The following MCUB variants were observed in gnomAD, a reference collection of about 807,000 sequenced individuals.
The protein encoded by MCUB is mitochondrial calcium uniporter dominant negative subunit beta, also known as calcium uniporter regulatory subunit MCUb, mitochondrial.
Under a neutral mutation model 41.4 loss-of-function variants are expected in MCUB, and 46 were observed. The observed-to-expected ratio is 1.11, with a 90% CI of 0.88 to 1.42. The LOEUF (loss-of-function observed/expected upper bound fraction) is 1.42, where lower values mean the gene tolerates loss of function less well. Ranked by LOEUF, MCUB falls within the 40% of genes most tolerant of loss-of-function variation. MCUB has a pLI of 0.00. For synonymous variants in MCUB, 148 were observed against 148.2 expected (o/e 1.00, Z 0.01); for missense variants, 403 against 404.9 (o/e 1.00, Z 0.04).
chr4:109,647,005 C>G (rs1241614220), intron 1 of MCUB, among the ~76,000 whole-genome samples: 1 of 152,164 alleles, frequency 6.6e-6, no homozygotes, highest in Non-Finnish European at 1.5e-5. Flanking sequence ...GCGAGTACCC[C>G]TCCCCACTGT....
intron 1 of MCUB, among the ~76,000 whole-genome samples, chr4:109,606,257 G>C (rs1244125170): frequency 6.6e-6 from 1 of 152,040 alleles, no homozygotes; most frequent in Non-Finnish European, 1.5e-5. Flanking sequence ...TTACAGGTGT[G>C]AGCCACTGTG....
chr4:109,598,618 G>A (rs1434212156), intron 1 of MCUB, among the ~76,000 whole-genome samples: 4 of 149,620 alleles, frequency 2.7e-5, no homozygotes, highest in Non-Finnish European at 4.4e-5. Context: ...GTGGGGAGAC[G>A]GGAGAGGGAG....
At chr4:109,651,060 G>T (rs1579083584) in intron 1 of MCUB, among the ~76,000 whole-genome samples, 1 of 152,120 alleles carries the variant, frequency 6.6e-6, no homozygotes, top group East Asian at 1.9e-4. Context: ...TCTTCCCTTT[G>T]AAGTTATTAT....
At chr4:109,594,626 T>A (rs1727514600) in intron 1 of MCUB, among the ~76,000 whole-genome samples, 1 of 151,582 alleles carries the variant, frequency 6.6e-6, no homozygotes, top group African/African-American at 2.4e-5. Context: ...GCCACTGCAC[T>A]CCAGCCTGGG....
At chr4:109,630,948 G>T (rs181032086) in intron 1 of MCUB, among the ~76,000 whole-genome samples, 54 of 152,198 alleles carry the variant, frequency 3.5e-4, no homozygotes, top group Admixed American at 2.9e-3. Flanking sequence ...TATACAAGCT[G>T]ACTCATTATT....
chr4:109,644,439 T>C (rs2126141113), intron 1 of MCUB, among the ~76,000 whole-genome samples: 2 of 152,318 alleles, frequency 1.3e-5, no homozygotes, highest in Middle Eastern at 3.4e-3. Context: ...TTCTAAACAT[T>C]TACCCACCTC....
At chr4:109,645,760 C>T (rs1728821378) in intron 1 of MCUB, among the ~76,000 whole-genome samples, 1 of 152,208 alleles carries the variant, frequency 6.6e-6, no homozygotes, top group Non-Finnish European at 1.5e-5. Context: ...ACCATAAAAT[C>T]TGTAGACTCA....
At chr4:109,630,158 A>G (rs1728443159) in intron 1 of MCUB, among the ~76,000 whole-genome samples, 1 of 29,494 alleles carries the variant, frequency 3.4e-5, no homozygotes, top group Non-Finnish European at 8.3e-5. Context: ...TTTTCTTTTT[A>G]TCAGATTAAA....
intron 1 of MCUB, among the ~76,000 whole-genome samples, chr4:109,641,477 C>A (rs1351108474): frequency 6.6e-6 from 1 of 152,008 alleles, no homozygotes; most frequent in Non-Finnish European, 1.5e-5. Context: ...AAAATAATTA[C>A]AATAGTAACA....
intron 4 of MCUB, among the ~76,000 whole-genome samples, chr4:109,671,216 T>C (rs1195019273): frequency 6.6e-6 from 1 of 152,230 alleles, no homozygotes; most frequent in Non-Finnish European, 1.5e-5. Flanking sequence ...CTTAACTTTT[T>C]CTTAAAGAGA....
chr4:109,567,927 G>A (rs934810838), intron 1 of MCUB, among the ~76,000 whole-genome samples: 5 of 152,104 alleles, frequency 3.3e-5, no homozygotes, highest in Non-Finnish European at 5.9e-5. Flanking sequence ...TTGAACTGCT[G>A]ACCTCAGGTG....
intron 1 of MCUB, among the ~76,000 whole-genome samples, chr4:109,564,427 T>C (rs1200466796): frequency 1.3e-5 from 2 of 152,178 alleles, no homozygotes; most frequent in Non-Finnish European, 2.9e-5. Context: ...CATGAGACAC[T>C]GCGCCCGGCT....
intron 1 of MCUB, among the ~76,000 whole-genome samples, chr4:109,633,422 C>T (rs372906907): frequency 1.4e-5 from 2 of 138,116 alleles, no homozygotes; most frequent in African/African-American, 5.5e-5. Flanking sequence ...CATGCACCAC[C>T]ACGCCCAGCT....
rs373397696 is a variant in MCUB at position 109,649,366 on chromosome 4, CTT to C, written c.100-9644_100-9643del. On this transcript the variant is annotated intron_variant, in intron 1 of 7. Coordinates refer to ENST00000394650, the MANE Select transcript of MCUB (RefSeq NM_017918.5). Reference sequence around the variant, plus strand: ...TTGGAAGTACACACTTTTTTTCTCTCTTCATTTAGTTTTACATCCTGTGGTGT... The same window carrying C: ...TTGGAAGTACACACTTTTTTTCTCTCCATTTAGTTTTACATCCTGTGGTGT... Among the ~76,000 whole-genome samples, 269 of 152,070 alleles carry C rather than the reference CTT, an allele frequency of 1.8e-3. 1 individual carries two copies. The highest frequency in any genetic ancestry group is 3.3e-3 in the South Asian group (16 of 4,814).
At chr4:109,613,968 TTTAC>T (rs1023453466) in intron 1 of MCUB, among the ~76,000 whole-genome samples, 6 of 152,222 alleles carry the variant, frequency 3.9e-5, no homozygotes, top group Non-Finnish European at 8.8e-5. Context: ...TTGCCCCAGT[TTTAC>T]TTGTGCTTGT....
intron 4 of MCUB, among the ~76,000 whole-genome samples, chr4:109,668,586 C>T (rs182207042): frequency 1.8e-4 from 27 of 152,146 alleles, no homozygotes; most frequent in African/African-American, 6.3e-4. Flanking sequence ...TTTTGACCCA[C>T]TCTGACAAGC....
chr4:109,599,673 A>AT (rs550247902), intron 1 of MCUB, among the ~76,000 whole-genome samples: 3,012 of 148,844 alleles, frequency 0.02, 29 homozygotes, highest in Middle Eastern at 0.024. Context: ...GTTAATATTT[A>AT]TTTATTTATT....
At chr4:109,560,650 G>A (rs190051998) in intron 1 of MCUB, among the ~76,000 whole-genome samples, 26 of 152,304 alleles carry the variant, frequency 1.7e-4, no homozygotes, top group Admixed American at 4.6e-4. Context: ...CCGGGCCCGG[G>A]GAAGGTGAAG....
chr4:109,578,979 A>T (rs1249541437), intron 1 of MCUB, among the ~76,000 whole-genome samples: 2 of 152,208 alleles, frequency 1.3e-5, no homozygotes, highest in African/African-American at 2.4e-5. Context: ...CTGTTTACAT[A>T]ACCATATCCT....
Sources: allele counts gnomAD v4.1 joint callset (sites outside exome capture counted in the v4.1 genomes callset), GRCh38; gene constraint gnomAD v4.1.1; transcripts MANE v1.5; gene names NCBI Gene and HGNC (gene_info 2026-07-23, HGNC 2026-07-21).